The following NHERF2 variants were observed in gnomAD, a reference collection of about 807,000 sequenced individuals.
The protein encoded by NHERF2 is NHERF family PDZ scaffold protein 2, also known as Na(+)/H(+) exchange regulatory cofactor NHE-RF2.
At chr16:2,030,520 C>T in the NHERF2 span, among the ~76,000 whole-genome samples, 4 of 151,796 alleles carry the variant, frequency 2.6e-5, no homozygotes, top group South Asian at 2.1e-4. Flanking sequence ...CTGGGAGGGG[C>T]GGCCTGGCAG....
chr16:2,038,170 A>C, the NHERF2 span: 4 of 652,596 alleles, frequency 6.1e-6, no homozygotes, highest in East Asian at 5.5e-5. Flanking sequence ...CTGTGGCAGC[A>C]AGATAGGGGG....
At chr16:2,028,128 T>C in the NHERF2 span, among the ~76,000 whole-genome samples, 1 of 152,218 alleles carries the variant, frequency 6.6e-6, no homozygotes, top group Non-Finnish European at 1.5e-5. Flanking sequence ...CCAGGTCCCC[T>C]GTCCCTCACA....
chr16:2,029,123 A>C, the NHERF2 span, among the ~76,000 whole-genome samples: 2 of 152,198 alleles, frequency 1.3e-5, no homozygotes, highest in South Asian at 2.1e-4. Flanking sequence ...GACACACTCA[A>C]ACTGGGGCCC....
At chr16:2,037,622 G>A in the NHERF2 span, 9 of 1,609,898 alleles carry the variant, frequency 5.6e-6, no homozygotes, top group East Asian at 2.2e-5. Context: ...CTCCACTCCT[G>A]AGCTCACACG....
the NHERF2 span, among the ~76,000 whole-genome samples, chr16:2,029,123 A>G: frequency 6.6e-6 from 1 of 152,198 alleles, no homozygotes; most frequent in African/African-American, 2.4e-5. Context: ...GACACACTCA[A>G]ACTGGGGCCC....
chr16:2,027,932 C>T, the NHERF2 span, among the ~76,000 whole-genome samples: 1 of 152,242 alleles, frequency 6.6e-6, no homozygotes, highest in Non-Finnish European at 1.5e-5. Context: ...GCTACAAAGG[C>T]ACTACTCCTC....
the NHERF2 span, chr16:2,037,138 C>A: frequency 1.9e-6 from 2 of 1,068,884 alleles, no homozygotes; most frequent in Non-Finnish European, 2.7e-6. Flanking sequence ...CCCTTTAATG[C>A]CCCTGTGGGT....
chr16:2,029,536 C>T, the NHERF2 span: 2 of 1,523,544 alleles, frequency 1.3e-6, no homozygotes, highest in Non-Finnish European at 1.8e-6. Flanking sequence ...CATGTGCTGC[C>T]CGGAATGTGG....
At chr16:2,036,126 A>G in the NHERF2 span, 2 of 550,448 alleles carry the variant, frequency 3.6e-6, no homozygotes, top group Admixed American at 3.4e-5. Context: ...TCTGGGTTTG[A>G]AAACAGGCTT....
the NHERF2 span, chr16:2,033,474 C>T: frequency 1.3e-6 from 2 of 1,494,030 alleles, no homozygotes; most frequent in Non-Finnish European, 1.8e-6. Flanking sequence ...GAGGAACCGG[C>T]AGCCGCTCAG....
the NHERF2 span, chr16:2,027,036 C>T: frequency 7.6e-7 from 1 of 1,318,226 alleles, no homozygotes; most frequent in African/African-American, 1.5e-5. Flanking sequence ...GCGGCCGCGC[C>T]TGTGCCGCTT....
the NHERF2 span, chr16:2,036,585 G>T: frequency 6.6e-7 from 1 of 1,516,332 alleles, no homozygotes; most frequent in South Asian, 1.2e-5. Context: ...AGGGAGGAGG[G>T]AGACGCTGGG....
chr16:2,036,120 G>C, the NHERF2 span: 1 of 541,346 alleles, frequency 1.8e-6, no homozygotes, highest in East Asian at 3.1e-5. Context: ...GAGGCTTCTG[G>C]GTTTGAAAAC....
chr16:2,036,062 C>A, the NHERF2 span: 1 of 499,264 alleles, frequency 2.0e-6, no homozygotes, highest in African/African-American at 1.9e-5. Context: ...TGGCCTCGAG[C>A]CAAAGGAATT....
chr16:2,037,137 G>A, the NHERF2 span: 2 of 1,070,866 alleles, frequency 1.9e-6, no homozygotes, highest in Non-Finnish European at 1.4e-6. Flanking sequence ...TCCCTTTAAT[G>A]CCCCTGTGGG....
chr16:2,038,271 G>T, the NHERF2 span: 1 of 554,736 alleles, frequency 1.8e-6, no homozygotes, highest in Non-Finnish European at 3.3e-6. Context: ...GAGCGAGCGA[G>T]CGCGCGGCAG....
At chr16:2,037,099 A>G in the NHERF2 span, 10 of 1,361,086 alleles carry the variant, frequency 7.3e-6, no homozygotes, top group Non-Finnish European at 1.0e-5. Context: ...GAGGTGTGCT[A>G]GTGACACCCG....
the NHERF2 span, chr16:2,038,270 A>C: frequency 3.6e-6 from 2 of 551,456 alleles, no homozygotes; most frequent in Non-Finnish European, 6.6e-6. Flanking sequence ...AGAGCGAGCG[A>C]GCGCGCGGCA....
the NHERF2 span, among the ~76,000 whole-genome samples, chr16:2,028,944 C>T: frequency 6.6e-6 from 1 of 152,260 alleles, no homozygotes; most frequent in Admixed American, 6.5e-5. Context: ...CACCTGAATC[C>T]TGCTTCCCTG....
Sources: gnomAD v4.1 joint callset for allele counts (sites outside exome capture counted in the v4.1 genomes callset) on GRCh38, gnomAD v4.1.1 for gene constraint, MANE v1.5 for transcripts, NCBI Gene and HGNC (gene_info 2026-07-23, HGNC 2026-07-21) for gene names.